UNC5D: variants seen among roughly 807,000 people sequenced by gnomAD.
UNC5D encodes the protein netrin receptor UNC5D.
UNC5D carries 39 observed loss-of-function variants against 105.4 expected under a neutral mutation model. The ratio of observed to expected loss-of-function variants is 0.37; its 90% CI spans 0.29 to 0.48. The LOEUF (loss-of-function observed/expected upper bound fraction) is 0.48. Ranked by LOEUF, UNC5D falls within the 20% of genes least tolerant of loss-of-function variation. The pLI is 0.98. For synonymous variants in UNC5D, 452 were observed against 450.4 expected, an observed-to-expected ratio of 1.00 and a Z score of -0.04; for missense variants, 991 against 1,202.4, an observed-to-expected ratio of 0.82 and a Z score of 2.60.
At position 35,726,523 on chromosome 8, in the gene UNC5D, A is replaced by G; in HGVS notation, c.1675A>G (p.Asn559Asp). The part of the protein sequence containing the change: ...GHLGGRLVMP[N>D]TGVSLLIPHG... ...TTTAGGGGGGCGCTTAGTAATGCCA[A>G]ATACAGGTGGGTGGTAAGTGTGTGT... The change falls in exon 10 of 17, where the codon AAT becomes GAT. Residue 559 changes from asparagine (N) to aspartate (D), a missense_variant. Physicochemically the swap from Asn to Asp is conservative, Grantham distance 23. Around this residue, in one of 3 missense-constraint regions of UNC5D, gnomAD observed 944 missense variants for 1,131.6 expected, o/e 0.83. Coordinates refer to ENST00000404895, the MANE Select transcript of UNC5D (RefSeq NM_080872.4). The G allele has an allele frequency of 6.2e-7, 1 of 1,611,772 alleles. No homozygotes were observed. The highest frequency in any genetic ancestry group is 8.5e-7 in the Non-Finnish European group (1 of 1,179,896).
intron 1 of UNC5D, among the ~76,000 whole-genome samples, chr8:35,327,071 C>T (rs1810222203): frequency 6.6e-6 from 1 of 152,098 alleles, no homozygotes; most frequent in African/African-American, 2.4e-5. Flanking sequence ...ATATATATTT[C>T]TATGAAATGC....
chr8:35,235,698 C>G lies in UNC5D; in HGVS notation c.-87C>G, dbSNP rs931382834. 1 of 989,846 alleles carries G rather than the reference C, an allele frequency of 1.0e-6. No homozygotes were observed. Among genetic ancestry groups the G allele is most frequent in the Non-Finnish European group, 1.3e-6 (1 of 768,418 alleles). 61.3% of individuals were successfully genotyped at this position (989,846 alleles called of 1,614,324 possible). On this transcript the variant is annotated 5_prime_UTR_variant, in exon 1 of 17. Coordinates refer to ENST00000404895, the MANE Select transcript of UNC5D (RefSeq NM_080872.4). Reference sequence around the variant, plus strand: ...GTCACTCTCTGAAGACTCCCGAGACCCATTCGACTCGGGACCCTCATCGCC... The same window carrying G: ...GTCACTCTCTGAAGACTCCCGAGACGCATTCGACTCGGGACCCTCATCGCC...
At chr8:35,392,139 T>C (rs1803815848) in intron 1 of UNC5D, among the ~76,000 whole-genome samples, 1 of 152,318 alleles carries the variant, frequency 6.6e-6, no homozygotes, top group African/African-American at 2.4e-5. Context: ...AAAGGTTCTC[T>C]AGGGGAGAAT....
At position 35,419,783 on chromosome 8, in the gene UNC5D, C is replaced by T. The variant is rs553270937; in HGVS notation, c.104-129509C>T. 3.3e-5 allele frequency among the ~76,000 whole-genome samples: 5 copies of T among 152,302 alleles called. No homozygotes were observed. The South Asian group carries it at 6.2e-4, about 19-fold the overall frequency. On this transcript the variant is annotated intron_variant, in intron 1 of 16. Coordinates refer to ENST00000404895, the MANE Select transcript of UNC5D (RefSeq NM_080872.4). ...GTGTTACTGGTCCTTTTACACCCAC[C>T]ATTCAGCAGGCTCCAGGTTCTTGTC...
At chr8:35,514,643 T>C (rs1812997603) in intron 1 of UNC5D, among the ~76,000 whole-genome samples, 1 of 152,228 alleles carries the variant, frequency 6.6e-6, no homozygotes, top group Non-Finnish European at 1.5e-5. Context: ...ATTTAGCATT[T>C]CTCTGGCTTT....
intron 3 of UNC5D, among the ~76,000 whole-genome samples, chr8:35,570,120 T>C (rs1304707549): frequency 1.3e-5 from 2 of 152,224 alleles, no homozygotes; most frequent in Non-Finnish European, 2.9e-5. Flanking sequence ...TACACCTTTG[T>C]TAGTTTCCCG....
intron 1 of UNC5D, among the ~76,000 whole-genome samples, chr8:35,253,581 G>A (rs1436957886): frequency 6.7e-6 from 1 of 150,308 alleles, no homozygotes; most frequent in Non-Finnish European, 1.5e-5. Context: ...CCACCTCCTG[G>A]GTTCAAGCGA....
intron 13 of UNC5D, among the ~76,000 whole-genome samples, chr8:35,756,948 T>G (rs1321865465): frequency 1.3e-5 from 2 of 152,004 alleles, no homozygotes; most frequent in Non-Finnish European, 2.9e-5. Context: ...CTTAGAAGAG[T>G]TGCTGTTATA....
chr8:35,649,878 C>G (rs567929027), intron 4 of UNC5D, among the ~76,000 whole-genome samples: 2 of 152,084 alleles, frequency 1.3e-5, no homozygotes, highest in African/African-American at 4.8e-5. Flanking sequence ...TGGAGAAACC[C>G]GATGACTGAA....
intron 2 of UNC5D, among the ~76,000 whole-genome samples, chr8:35,560,042 A>C (rs1432313018): frequency 6.6e-6 from 1 of 152,208 alleles, no homozygotes; most frequent in African/African-American, 2.4e-5. Context: ...ACGGCCTAGA[A>C]AGCTTATTAG....
intron 4 of UNC5D, among the ~76,000 whole-genome samples, chr8:35,667,701 G>C (rs569267515): frequency 6.6e-6 from 1 of 152,260 alleles, no homozygotes; most frequent in African/African-American, 2.4e-5. Context: ...TTTGAATGTA[G>C]ACATAATAAC....
chr8:35,645,134 T>C (rs1199121072), intron 4 of UNC5D, among the ~76,000 whole-genome samples: 3 of 152,288 alleles, frequency 2.0e-5, no homozygotes, highest in South Asian at 4.1e-4. Context: ...AACATGTCCA[T>C]CTACCCACTC....
Position 35,759,396 on chromosome 8 carries a change from C to A in UNC5D, c.2240C>A (p.Thr747Asn), listed in dbSNP as rs1420556120. ...EPKLLHFKGN[T>N]FSLQISVLDI... ...AAATTGCTGCATTTCAAAGGGAATA[C>A]CTTTAGTCTTCAGATTTCTGTCCTT... The change falls in exon 14 of 17, where the codon ACC (threonine) becomes AAC (asparagine). Residue 747 changes from threonine to asparagine, a missense_variant. By Grantham distance (65) the Thr-to-Asn change is moderately conservative. Around this residue, in one of 3 missense-constraint regions of UNC5D, gnomAD observed 944 missense variants for 1,131.6 expected, o/e 0.83. Coordinates refer to ENST00000404895, the MANE Select transcript of UNC5D (RefSeq NM_080872.4). 2.5e-6 allele frequency: 4 copies of A among 1,614,056 alleles called. No individual in the cohort carries two copies. Among genetic ancestry groups the A allele is most frequent in the Non-Finnish European group, 3.4e-6 (4 of 1,179,944 alleles).
chr8:35,350,099 C>G (rs1040925355), intron 1 of UNC5D, among the ~76,000 whole-genome samples: 1 of 151,822 alleles, frequency 6.6e-6, no homozygotes, highest in African/African-American at 2.4e-5. Flanking sequence ...CCGAAAGAGT[C>G]TTGGGAACCC....
intron 1 of UNC5D, among the ~76,000 whole-genome samples, chr8:35,293,738 A>G (rs1299306213): frequency 6.6e-6 from 1 of 152,202 alleles, no homozygotes; most frequent in Non-Finnish European, 1.5e-5. Flanking sequence ...AGCTTTTACT[A>G]TAACGGTTAT....
At chr8:35,424,966 G>A (rs1341395324) in intron 1 of UNC5D, among the ~76,000 whole-genome samples, 1 of 152,138 alleles carries the variant, frequency 6.6e-6, no homozygotes. Context: ...TAGAATGTGG[G>A]TGATCATGTA....
At chr8:35,348,284 C>T (rs2128907970) in intron 1 of UNC5D, among the ~76,000 whole-genome samples, 1 of 151,816 alleles carries the variant, frequency 6.6e-6, no homozygotes, top group African/African-American at 2.4e-5. Flanking sequence ...AAATATATGT[C>T]ATGGAATTAA....
chr8:35,764,738 A>G (rs1801690695), intron 14 of UNC5D, among the ~76,000 whole-genome samples: 1 of 152,218 alleles, frequency 6.6e-6, no homozygotes. Flanking sequence ...GGTACAAGCA[A>G]GTTGTCCTCC....
intron 1 of UNC5D, among the ~76,000 whole-genome samples, chr8:35,374,499 T>C (rs111236637): frequency 0.012 from 1,849 of 152,292 alleles, 41 homozygotes; most frequent in African/African-American, 0.043. Flanking sequence ...AGACTAAGTA[T>C]GGTAGAGTTA....
Sources: allele counts gnomAD v4.1 joint callset (sites outside exome capture counted in the v4.1 genomes callset), GRCh38; gene constraint gnomAD v4.1.1; regional missense constraint gnomAD v4.1.1; transcripts MANE v1.5; gene names NCBI Gene and HGNC (gene_info 2026-07-23, HGNC 2026-07-21).